The following SCAMP1 variants were observed in gnomAD, a reference collection of about 807,000 sequenced individuals.
The protein encoded by SCAMP1 is secretory carrier membrane protein 1.
A neutral mutation model predicts 41.8 loss-of-function variants in SCAMP1; 15 were observed. The ratio of observed to expected loss-of-function variants is 0.36; its 90% CI spans 0.24 to 0.55. The LOEUF (loss-of-function observed/expected upper bound fraction) is 0.55, where lower values mean the gene tolerates loss of function less well. SCAMP1 is among the 20% of genes least tolerant of loss of function. SCAMP1 has a pLI of 0.86. For synonymous variants in SCAMP1, 135 were observed against 136.8 expected (o/e 0.99, Z 0.09); for missense variants, 341 against 412.6 (o/e 0.83, Z 1.50).
In SCAMP1 at chr5:78,480,040, C is replaced by T. The variant is rs1754103646; in HGVS notation, c.*4372C>T. Among the ~76,000 whole-genome samples, 2 of 136,588 alleles carry T rather than the reference C, an allele frequency of 1.5e-5. No individual in the cohort carries two copies. The highest frequency in any genetic ancestry group is 6.3e-5 in the African/African-American group (2 of 31,552). 89.6% of individuals were successfully genotyped at this position (136,588 alleles called of 152,430 possible). On this transcript the variant is annotated 3_prime_UTR_variant, in exon 9 of 9. Coordinates refer to ENST00000621999, the MANE Select transcript of SCAMP1 (RefSeq NM_004866.6). Reference sequence around the variant, plus strand: ...CAGCCTGGGCGACAGAGCGAGACTCCATCTCAAGAAAAAAAAAAAAGAATT... The same window carrying T: ...CAGCCTGGGCGACAGAGCGAGACTCTATCTCAAGAAAAAAAAAAAAGAATT...
chr5:78,421,606 C>T (rs573514380), intron 5 of SCAMP1, among the ~76,000 whole-genome samples, 195 bp from the exon 6 acceptor site: 219 of 152,268 alleles, frequency 1.4e-3, no homozygotes, highest in African/African-American at 5.0e-3. Context: ...TGTATTAAGA[C>T]TCGCTTTCCT....
intron 4 of SCAMP1, among the ~76,000 whole-genome samples, chr5:78,417,032 C>G (rs1752227081): frequency 6.6e-6 from 1 of 152,178 alleles, no homozygotes; most frequent in Non-Finnish European, 1.5e-5. Context: ...AGGTTAATTT[C>G]AGATTATCTG....
intron 6 of SCAMP1, among the ~76,000 whole-genome samples, chr5:78,437,656 A>G (rs562406610): frequency 6.6e-6 from 1 of 152,084 alleles, no homozygotes; most frequent in Non-Finnish European, 1.5e-5. Flanking sequence ...TTCATCAGGG[A>G]TATTGGTCTA....
At chr5:78,437,519 T>C (rs913013930) in intron 6 of SCAMP1, among the ~76,000 whole-genome samples, 12 of 152,244 alleles carry the variant, frequency 7.9e-5, no homozygotes, top group Admixed American at 3.3e-4. Context: ...TTATGTTTAT[T>C]GATTTGCGCA....
intron 6 of SCAMP1, among the ~76,000 whole-genome samples, chr5:78,443,375 G>C (rs1199437708): frequency 6.6e-6 from 1 of 152,110 alleles, no homozygotes; most frequent in African/African-American, 2.4e-5. Flanking sequence ...CGTGGGTGTT[G>C]TAAGGTTTGA....
chr5:78,436,779 A>G (rs933067200), intron 6 of SCAMP1, among the ~76,000 whole-genome samples: 5 of 152,120 alleles, frequency 3.3e-5, no homozygotes, highest in Non-Finnish European at 5.9e-5. Flanking sequence ...TGGTAGCTTG[A>G]TGGGGATGGC....
intron 6 of SCAMP1, among the ~76,000 whole-genome samples, chr5:78,432,389 C>T (rs1197475027): frequency 1.3e-5 from 2 of 152,052 alleles, no homozygotes; most frequent in Admixed American, 1.3e-4. Flanking sequence ...AACAGGTCTG[C>T]TAATAATCAG....
At chr5:78,422,157 C>T (rs1354873881) in intron 6 of SCAMP1, among the ~76,000 whole-genome samples, 197 bp downstream of exon 6, 5 of 151,932 alleles carry the variant, frequency 3.3e-5, no homozygotes, top group Non-Finnish European at 5.9e-5. Context: ...ATTTTTTTCT[C>T]CCATTTGATA....
intron 6 of SCAMP1, among the ~76,000 whole-genome samples, chr5:78,433,207 A>C (rs1390775603): frequency 1.3e-5 from 2 of 152,198 alleles, no homozygotes; most frequent in Non-Finnish European, 2.9e-5. Context: ...TAATGCCAAC[A>C]CCTGAGTTAT....
chr5:78,361,747 A>G (rs1750659398), intron 1 of SCAMP1, among the ~76,000 whole-genome samples: 1 of 152,264 alleles, frequency 6.6e-6, no homozygotes, highest in African/African-American at 2.4e-5. Flanking sequence ...CATGTGCAGT[A>G]GTAACTTTAA....
chr5:78,449,761 C>T (rs72760949), intron 6 of SCAMP1, among the ~76,000 whole-genome samples, 172 bp from the exon 7 acceptor site: 1,898 of 152,108 alleles, frequency 0.012, 16 homozygotes, highest in Non-Finnish European at 0.019. Flanking sequence ...TAAGTTATTA[C>T]AATGTTGTTA....
At chr5:78,386,994 T>C (rs1399356100) in intron 1 of SCAMP1, among the ~76,000 whole-genome samples, 6 of 152,202 alleles carry the variant, frequency 3.9e-5, no homozygotes, top group African/African-American at 9.7e-5. Context: ...TGTTTAGATG[T>C]CTAGATCTCT....
At chr5:78,403,424 T>A (rs1751847353) in intron 2 of SCAMP1, among the ~76,000 whole-genome samples, 1 of 152,114 alleles carries the variant, frequency 6.6e-6, no homozygotes. Flanking sequence ...ACACACAAGA[T>A]ATTTGCAGAA....
chr5:78,410,278 C>T (rs1408694961), intron 2 of SCAMP1, among the ~76,000 whole-genome samples: 1 of 151,976 alleles, frequency 6.6e-6, no homozygotes, highest in Non-Finnish European at 1.5e-5. Context: ...TGATGCTCTC[C>T]CTTTGCCCAC....
intron 7 of SCAMP1, chr5:78,457,742 A>C (rs1753460031): frequency 6.5e-6 from 1 of 153,986 alleles, no homozygotes. Flanking sequence ...TGCTTTGTTT[A>C]CCTAAGCAAG....
rs561319107 is a variant in SCAMP1, at chr5:78,388,021, C to T, written c.58-816C>T. ...CCCAAGAGATTATGTCCTTTGTCTT[C>T]GGCGTTCCTCGGCTGTCCCAGGAAC... On this transcript the variant is annotated intron_variant, in intron 1 of 8. Coordinates refer to ENST00000621999, the MANE Select transcript of SCAMP1 (RefSeq NM_004866.6). Among the ~76,000 whole-genome samples, 31 of 152,240 alleles carry T rather than the reference C, an allele frequency of 2.0e-4. 1 individual carries two copies. In the South Asian group the frequency reaches 4.1e-3, roughly 20 times the overall value.
intron 1 of SCAMP1, among the ~76,000 whole-genome samples, chr5:78,378,575 A>G (rs188476314): frequency 1.3e-5 from 2 of 152,360 alleles, no homozygotes; most frequent in African/African-American, 2.4e-5. Context: ...TTGTTTGGAA[A>G]AACATTTGTT....
chr5:78,408,810 G>C (rs921686680), intron 2 of SCAMP1, among the ~76,000 whole-genome samples: 1 of 150,334 alleles, frequency 6.7e-6, no homozygotes, highest in African/African-American at 2.5e-5. Context: ...ATATTGCCCA[G>C]GCTGGTCTCA....
intron 6 of SCAMP1, among the ~76,000 whole-genome samples, chr5:78,437,846 G>C (rs1446106115): frequency 1.3e-5 from 2 of 152,146 alleles, no homozygotes; most frequent in Non-Finnish European, 2.9e-5. Flanking sequence ...TCTGGTCCTG[G>C]ACTTTATTTG....
Sources: gnomAD v4.1 joint callset for allele counts (sites outside exome capture counted in the v4.1 genomes callset) on GRCh38, gnomAD v4.1.1 for gene constraint, MANE v1.5 for transcripts, NCBI Gene and HGNC (gene_info 2026-07-23, HGNC 2026-07-21) for gene names.